SGCZ: variants seen among roughly 807,000 people sequenced by gnomAD.
The protein encoded by SGCZ is sarcoglycan zeta.
A neutral mutation model predicts 41.3 loss-of-function variants in SGCZ; 40 were observed. The observed-to-expected ratio is 0.97, with a 90% CI of 0.75 to 1.26. SGCZ has a LOEUF of 1.26. Ranked by LOEUF, SGCZ falls within the 50% of genes most tolerant of loss-of-function variation. The pLI is 0.00. For missense variants in SGCZ, 552 were observed against 369.8 expected, an observed-to-expected ratio of 1.49 and a Z score of -4.04; for synonymous variants, 206 against 137.5, an observed-to-expected ratio of 1.50 and a Z score of -3.49.
intron 1 of SGCZ, among the ~76,000 whole-genome samples, chr8:14,888,163 G>T (rs971051097): frequency 6.6e-6 from 1 of 152,010 alleles, no homozygotes; most frequent in South Asian, 2.1e-4. Context: ...TTTCAAAAAA[G>T]CAATACACCA....
intron 1 of SGCZ, among the ~76,000 whole-genome samples, chr8:14,929,209 T>C (rs988724696): frequency 6.6e-6 from 1 of 152,078 alleles, no homozygotes; most frequent in Non-Finnish European, 1.5e-5. Flanking sequence ...GCCAGGCTGG[T>C]CTCGAACTCC....
At chr8:14,275,432 C>T (rs1257086104) in intron 3 of SGCZ, among the ~76,000 whole-genome samples, 2 of 152,150 alleles carry the variant, frequency 1.3e-5, no homozygotes, top group Non-Finnish European at 2.9e-5. Context: ...ACAGCCCCTC[C>T]TTTCCCTTGG....
chr8:14,740,405 T>C (rs989560382), intron 1 of SGCZ, among the ~76,000 whole-genome samples: 2 of 151,954 alleles, frequency 1.3e-5, no homozygotes, highest in African/African-American at 4.8e-5. Context: ...TTCCTTTCCT[T>C]TCCTTTTATA....
chr8:14,216,839 A>G (rs7016966), intron 4 of SGCZ, among the ~76,000 whole-genome samples: 76,192 of 152,036 alleles, frequency 0.5, 20,451 homozygotes, highest in African/African-American at 0.7. Flanking sequence ...ACTCTGAGTC[A>G]TGTAAGTCCT....
intron 5 of SGCZ, among the ~76,000 whole-genome samples, chr8:14,122,053 C>T (rs563384293): frequency 6.6e-6 from 1 of 152,084 alleles, no homozygotes; most frequent in African/African-American, 2.4e-5. Context: ...CCGAGGCGGG[C>T]AGATCCCAAG....
intron 1 of SGCZ, among the ~76,000 whole-genome samples, chr8:14,741,140 A>G (rs929423566): frequency 2.6e-5 from 4 of 152,066 alleles, no homozygotes; most frequent in Middle Eastern, 3.2e-3. Context: ...AAGCTTGTGT[A>G]TTTAACTATG....
intron 1 of SGCZ, among the ~76,000 whole-genome samples, chr8:14,797,641 G>C (rs1253151438): frequency 1.3e-5 from 2 of 152,228 alleles, no homozygotes; most frequent in Non-Finnish European, 2.9e-5. Context: ...ACAAGGAGCT[G>C]AATGTTATTC....
rs575663710 is a variant in SGCZ at position 14,456,813 on chromosome 8, C to T, written c.234+97919G>A. Among the ~76,000 whole-genome samples the T allele has an allele frequency of 9.9e-5, 15 of 152,236 alleles. No homozygotes were observed. The Middle Eastern group carries it at 0.014, about 138-fold the overall frequency. ...GTTTAGATCAGGGAGGTGGATCCCT[C>T]GTGGCATACTGCTGTCTTTGTGATA... On this transcript the variant is annotated intron_variant, in intron 2 of 7. Transcript: ENST00000382080.
At chr8:15,024,032 C>G (rs970316772) in intron 1 of SGCZ, among the ~76,000 whole-genome samples, 2 of 152,176 alleles carry the variant, frequency 1.3e-5, no homozygotes, top group Non-Finnish European at 1.5e-5. Context: ...AAGATCATTA[C>G]AAAAGTTAAC....
At chr8:14,252,504 G>C (rs910175856) in intron 3 of SGCZ, among the ~76,000 whole-genome samples, 1 of 151,986 alleles carries the variant, frequency 6.6e-6, no homozygotes, top group African/African-American at 2.4e-5. Flanking sequence ...AATTTCACTC[G>C]AGGTAGCCCA....
At chr8:15,207,470 T>C (rs1288778817) in intron 1 of SGCZ, among the ~76,000 whole-genome samples, 3 of 151,528 alleles carry the variant, frequency 2.0e-5, no homozygotes, top group African/African-American at 7.3e-5. Context: ...AGCAGAAGGA[T>C]GAAAAGAGTG....
At chr8:15,193,530 G>A (rs911827572) in intron 1 of SGCZ, among the ~76,000 whole-genome samples, 2 of 151,938 alleles carry the variant, frequency 1.3e-5, no homozygotes, top group African/African-American at 4.8e-5. Context: ...ACCACCACCA[G>A]CAACAAAACC....
chr8:14,768,943 T>C (rs10105241), intron 1 of SGCZ, among the ~76,000 whole-genome samples: 18,834 of 151,876 alleles, frequency 0.12, 1,786 homozygotes, highest in African/African-American at 0.26. Context: ...GCATTATAGA[T>C]CTTAAATCCT....
At chr8:14,140,124 C>A (rs905623741) in intron 5 of SGCZ, among the ~76,000 whole-genome samples, 9 of 152,170 alleles carry the variant, frequency 5.9e-5, no homozygotes, top group Admixed American at 1.3e-4. Context: ...ATTCAACAAC[C>A]TTCATGCTAA....
intron 1 of SGCZ, among the ~76,000 whole-genome samples, chr8:14,872,261 T>A (rs1207370689): frequency 1.3e-5 from 2 of 152,124 alleles, no homozygotes; most frequent in Non-Finnish European, 2.9e-5. Context: ...GGCACATGTA[T>A]ACCTATGTAA....
chr8:14,367,249 A>G (rs1268183074), intron 2 of SGCZ, among the ~76,000 whole-genome samples: 2 of 152,026 alleles, frequency 1.3e-5, no homozygotes, highest in African/African-American at 4.8e-5. Context: ...ACTTGAGACT[A>G]CCTCAGCCTG....
rs1299600296 is a variant in SGCZ, at chr8:14,233,016, T to C, written c.424+4576A>G. Among the ~76,000 whole-genome samples, 4 of 152,010 alleles carry C rather than the reference T, an allele frequency of 2.6e-5. No homozygotes were observed. In the East Asian group the frequency reaches 5.8e-4, roughly 22 times the overall value. On this transcript the variant is annotated intron_variant, in intron 4 of 7. Coordinates refer to ENST00000382080, the MANE Select transcript of SGCZ (RefSeq NM_139167.4). ...TGTTTATGACATAGGGCCCCATAAGTAGCCATAATAAGTATCTCAAAAGTC... is the reference window on the plus strand; with the variant it reads ...TGTTTATGACATAGGGCCCCATAAGCAGCCATAATAAGTATCTCAAAAGTC...
At chr8:14,143,054 G>T (rs930109126) in intron 5 of SGCZ, among the ~76,000 whole-genome samples, 5 of 146,666 alleles carry the variant, frequency 3.4e-5, no homozygotes, top group African/African-American at 1.0e-4. Flanking sequence ...GGCTAAAAAA[G>T]AAAAATCATA....
At chr8:14,272,796 G>A (rs182184148) in intron 3 of SGCZ, among the ~76,000 whole-genome samples, 3 of 152,206 alleles carry the variant, frequency 2.0e-5, no homozygotes, top group Admixed American at 2.0e-4. Context: ...ACTGTGTCAG[G>A]TTGAAAAACT....
Sources: gnomAD v4.1 joint callset for allele counts (sites outside exome capture counted in the v4.1 genomes callset) on GRCh38, gnomAD v4.1.1 for gene constraint, MANE v1.5 for transcripts, NCBI Gene and HGNC (gene_info 2026-07-23, HGNC 2026-07-21) for gene names.